The following SLC8A1 variants were observed in gnomAD, a reference collection of about 807,000 sequenced individuals.
The protein encoded by SLC8A1 is sodium/calcium exchanger 1.
A neutral mutation model predicts 68.3 loss-of-function variants in SLC8A1; 18 were observed. The observed-to-expected ratio is 0.26, with a 90% CI of 0.18 to 0.39. SLC8A1 has a LOEUF of 0.39. SLC8A1 is among the 10% of genes least tolerant of loss of function. The pLI is 1.00. For synonymous variants in SLC8A1, 475 were observed against 415.5 expected, an observed-to-expected ratio of 1.14 and a Z score of -1.74; for missense variants, 985 against 1,156.7, an observed-to-expected ratio of 0.85 and a Z score of 2.15.
At chr2:40,386,273 A>G (rs932875682) in intron 2 of SLC8A1, among the ~76,000 whole-genome samples, 1 of 151,294 alleles carries the variant, frequency 6.6e-6, no homozygotes, top group African/African-American at 2.5e-5. Flanking sequence ...TTTAGTTTAG[A>G]TATTTTCCAG....
chr2:40,175,876 C>T (rs568220086), intron 3 of SLC8A1: 1 of 353,708 alleles, frequency 2.8e-6, no homozygotes, highest in Non-Finnish European at 5.6e-6. Flanking sequence ...ATTTTGTCCA[C>T]CAAGAATTGC....
intron 2 of SLC8A1, among the ~76,000 whole-genome samples, chr2:40,252,034 T>C (rs1470202294): frequency 6.6e-6 from 1 of 152,164 alleles, no homozygotes; most frequent in Non-Finnish European, 1.5e-5. Flanking sequence ...TGATTACAAA[T>C]CTGCTAAATT....
intron 2 of SLC8A1, among the ~76,000 whole-genome samples, chr2:40,247,218 G>A (rs994959116): frequency 1.3e-5 from 2 of 152,182 alleles, no homozygotes. Flanking sequence ...GCTTTCTGCA[G>A]CCTGGAATGG....
chr2:40,307,745 G>A (rs779288156), intron 2 of SLC8A1, among the ~76,000 whole-genome samples: 1 of 152,116 alleles, frequency 6.6e-6, no homozygotes, highest in Admixed American at 6.6e-5. Flanking sequence ...AACCAAGAGT[G>A]CAAGTGTCCC....
chr2:40,192,596 T>C (rs1465207695), intron 2 of SLC8A1, among the ~76,000 whole-genome samples: 7 of 152,168 alleles, frequency 4.6e-5, no homozygotes, highest in Non-Finnish European at 1.0e-4. Context: ...TGGGTCTATG[T>C]ATAATGAATA....
intron 2 of SLC8A1, among the ~76,000 whole-genome samples, chr2:40,316,375 C>A (rs1482262201): frequency 1.3e-5 from 2 of 151,964 alleles, no homozygotes; most frequent in East Asian, 3.9e-4. Context: ...CTGGAAAAGA[C>A]CTAAATACAC....
intron 2 of SLC8A1, chr2:40,208,412 C>G (rs2055908644): frequency 6.6e-6 from 1 of 152,150 alleles, no homozygotes; most frequent in Admixed American, 6.5e-5. Flanking sequence ...GAGAGTCAAT[C>G]TGAAGTCAGA....
At chr2:40,115,286 G>T in exon 8 of SLC8A1, 1 of 1,613,310 alleles carries the variant, frequency 6.2e-7, no homozygotes. Flanking sequence ...AGGCCTCCAG[G>T]GAGGAGAAGA....
At chr2:40,384,710 A>G (rs1430241550) in intron 2 of SLC8A1, among the ~76,000 whole-genome samples, 1 of 152,068 alleles carries the variant, frequency 6.6e-6, no homozygotes, top group East Asian at 1.9e-4. Context: ...AATTTCAAGG[A>G]CTGGATGAAA....
intron 1 of SLC8A1, among the ~76,000 whole-genome samples, chr2:40,449,160 AC>A (rs199683886): frequency 3.8e-4 from 53 of 141,142 alleles, no homozygotes; most frequent in Middle Eastern, 3.5e-3. Context: ...AAAAAAAAAA[AC>A]AAAAAACAAA....
intron 6 of SLC8A1, among the ~76,000 whole-genome samples, chr2:40,156,707 C>T (rs543856041): frequency 3.9e-5 from 6 of 152,190 alleles, no homozygotes; most frequent in African/African-American, 7.2e-5. Context: ...TTTCAAGCTG[C>T]GGCTCCAATA....
Position 40,350,150 on chromosome 2 carries a change from G to A in SLC8A1, c.1808+78323C>T, listed in dbSNP as rs79503852. ...TTATATGATGTTTTAAAATCCATTTGATCTAAACAACTCAGAATTCTCTTA... is the reference window on the plus strand; with the variant it reads ...TTATATGATGTTTTAAAATCCATTTAATCTAAACAACTCAGAATTCTCTTA... On this transcript the variant is annotated intron_variant, in intron 2 of 7. Transcript: ENST00000406785. Among the ~76,000 whole-genome samples, 494 of 152,150 alleles carry A rather than the reference G, an allele frequency of 3.2e-3. 1 individual carries two copies. Among genetic ancestry groups the A allele is most frequent in the Middle Eastern group, 6.8e-3 (2 of 294 alleles).
intron 2 of SLC8A1, among the ~76,000 whole-genome samples, chr2:40,339,657 C>T (rs1480048927): frequency 6.6e-6 from 1 of 152,154 alleles, no homozygotes; most frequent in Non-Finnish European, 1.5e-5. Context: ...TTGTCAATAT[C>T]ACCAATGAAT....
At chr2:40,272,244 A>G (rs1489925286) in intron 2 of SLC8A1, among the ~76,000 whole-genome samples, 3 of 152,206 alleles carry the variant, frequency 2.0e-5, no homozygotes, top group South Asian at 4.1e-4. Flanking sequence ...AATCCATTCA[A>G]CACATGCTTA....
chr2:40,438,588 G>C (rs77879416), intron 1 of SLC8A1, among the ~76,000 whole-genome samples: 1 of 152,116 alleles, frequency 6.6e-6, no homozygotes, highest in South Asian at 2.1e-4. Flanking sequence ...TTAATACTAG[G>C]AAGAATTGAC....
chr2:40,361,887 CTTTTTTTTTTTTTTTTTT>C (rs1172909749), intron 2 of SLC8A1, among the ~76,000 whole-genome samples: 3 of 53,104 alleles, frequency 5.6e-5, no homozygotes, highest in African/African-American at 8.9e-5. Flanking sequence ...CTTTTCTTTC[CTTTTTTTTTTTTTTTTTT>C]TTTTTTTTTT....
intron 2 of SLC8A1, among the ~76,000 whole-genome samples, chr2:40,422,776 A>C (rs7579930): frequency 0.15 from 22,083 of 152,166 alleles, 2,730 homozygotes; most frequent in East Asian, 0.67. Flanking sequence ...AAATCTGTTA[A>C]ATTCTCTTTA....
intron 2 of SLC8A1, among the ~76,000 whole-genome samples, chr2:40,179,994 C>T (rs2049168340): frequency 6.6e-6 from 1 of 152,104 alleles, no homozygotes; most frequent in Non-Finnish European, 1.5e-5. Flanking sequence ...TACTCACATT[C>T]CAATTTCTCA....
intron 2 of SLC8A1, among the ~76,000 whole-genome samples, chr2:40,353,430 T>A (rs57008148): frequency 0.029 from 4,369 of 152,152 alleles, 218 homozygotes; most frequent in African/African-American, 0.099. Context: ...CCAAGGCCTG[T>A]AGATTTTTCA....
Sources: gnomAD v4.1 joint callset for allele counts (sites outside exome capture counted in the v4.1 genomes callset) on GRCh38, gnomAD v4.1.1 for gene constraint, MANE v1.5 for transcripts, NCBI Gene and HGNC (gene_info 2026-07-23, HGNC 2026-07-21) for gene names.